The following CSMD1 variants were observed in gnomAD, a reference collection of about 807,000 sequenced individuals.
The protein encoded by CSMD1 is CUB and Sushi multiple domains 1.
In CSMD1, 213 loss-of-function variants were observed where a neutral mutation model predicts 417.5. That is an observed-to-expected ratio of 0.51 (90% CI 0.46 to 0.57). The LOEUF is 0.57. Ranked by LOEUF, CSMD1 falls within the 20% of genes least tolerant of loss-of-function variation. CSMD1 has a pLI of 0.00. For synonymous variants in CSMD1, 2,862 were observed against 1,736.8 expected (o/e 1.65, Z -16.11); for missense variants, 6,923 against 4,529.7 (o/e 1.53, Z -15.17).
At chr8:3,022,724 G>A (rs1175845870) in intron 51 of CSMD1, among the ~76,000 whole-genome samples, 1 of 149,220 alleles carries the variant, frequency 6.7e-6, no homozygotes, top group African/African-American at 2.5e-5. Flanking sequence ...CCTCCATGAA[G>A]AATAAACAGC....
intron 5 of CSMD1, among the ~76,000 whole-genome samples, chr8:3,850,236 T>G (rs1347900477): frequency 6.6e-6 from 1 of 152,226 alleles, no homozygotes; most frequent in Non-Finnish European, 1.5e-5. Context: ...AACAAAAGAA[T>G]AAAAAACCAA....
chr8:3,262,647 T>G (rs925837908), intron 26 of CSMD1, among the ~76,000 whole-genome samples: 1 of 152,102 alleles, frequency 6.6e-6, no homozygotes, highest in South Asian at 2.1e-4. Context: ...AGTAGAGGTA[T>G]AGACAGAATA....
intron 50 of CSMD1, among the ~76,000 whole-genome samples, chr8:3,030,121 G>A (rs1324993485): frequency 6.6e-6 from 1 of 152,002 alleles, no homozygotes. Flanking sequence ...GAATATAGCA[G>A]TTACTTAAGA....
intron 1 of CSMD1, among the ~76,000 whole-genome samples, chr8:4,858,383 C>T (rs1485827345): frequency 1.3e-5 from 2 of 151,458 alleles, no homozygotes; most frequent in Admixed American, 6.6e-5. Context: ...CTCACCACTC[C>T]TATTCAACGT....
In CSMD1 at chr8:3,385,283, G is replaced by T. The variant is rs531180415; in HGVS notation, c.2782+2211C>A. On this transcript the variant is annotated intron_variant, in intron 18 of 69. Transcript: ENST00000635120. The stretch of plus-strand genomic sequence containing the variant: ...TGTGTATGTATGAATATATATGTAT[G>T]TATGTATATAGGCCTTTACATTTCT... Among the ~76,000 whole-genome samples the T allele has an allele frequency of 1.4e-3, 214 of 149,656 alleles. 1 individual carries two copies. Among genetic ancestry groups the T allele is most frequent in the South Asian group, 2.7e-3 (13 of 4,780 alleles).
intron 8 of CSMD1, among the ~76,000 whole-genome samples, chr8:3,591,715 TAGAG>T (rs1018806903): frequency 6.6e-6 from 1 of 151,976 alleles, no homozygotes; most frequent in Non-Finnish European, 1.5e-5. Context: ...AGATAGATGA[TAGAG>T]AGATTAGATG....
intron 3 of CSMD1, among the ~76,000 whole-genome samples, chr8:4,084,241 C>G (rs1800300950): frequency 6.6e-6 from 1 of 150,728 alleles, no homozygotes; most frequent in Admixed American, 6.6e-5. Context: ...TAATCCCTTA[C>G]TACAAAATAA....
intron 26 of CSMD1, among the ~76,000 whole-genome samples, chr8:3,246,112 A>C (rs1456063987): frequency 1.3e-5 from 2 of 152,114 alleles, no homozygotes; most frequent in Non-Finnish European, 2.9e-5. Context: ...CTAAGAAGGC[A>C]CATCGGTTCA....
intron 7 of CSMD1, among the ~76,000 whole-genome samples, chr8:3,693,946 G>C (rs1303697691): frequency 3.3e-5 from 5 of 151,026 alleles, no homozygotes; most frequent in Non-Finnish European, 5.9e-5. Context: ...TGCGTCGTGT[G>C]TTGGATATAG....
At chr8:3,688,249 A>T (rs1485681934) in intron 7 of CSMD1, among the ~76,000 whole-genome samples, 1 of 152,210 alleles carries the variant, frequency 6.6e-6, no homozygotes, top group East Asian at 1.9e-4. Context: ...TTTTATTCAA[A>T]ATTACAAATA....
chr8:4,129,083 A>C (rs1186415385), intron 3 of CSMD1, among the ~76,000 whole-genome samples: 2 of 151,214 alleles, frequency 1.3e-5, no homozygotes, highest in South Asian at 2.1e-4. Flanking sequence ...TCAAAAAAAA[A>C]AAAAAAAAAC....
chr8:3,875,586 A>C (rs2129116550), intron 5 of CSMD1, among the ~76,000 whole-genome samples: 1 of 152,250 alleles, frequency 6.6e-6, no homozygotes, highest in African/African-American at 2.4e-5. Flanking sequence ...ATTGGAGAGG[A>C]GTCCCATTGT....
chr8:4,271,279 G>C (rs1399720805), intron 3 of CSMD1, among the ~76,000 whole-genome samples: 1 of 152,120 alleles, frequency 6.6e-6, no homozygotes, highest in Non-Finnish European at 1.5e-5. Flanking sequence ...AGGGGTTGGT[G>C]CCCTAACAGC....
At chr8:4,287,198 C>G (rs759525778) in intron 3 of CSMD1, among the ~76,000 whole-genome samples, 10 of 152,184 alleles carry the variant, frequency 6.6e-5, no homozygotes, top group African/African-American at 2.2e-4. Context: ...TAATTTTACT[C>G]ACATAGCTAA....
intron 3 of CSMD1, among the ~76,000 whole-genome samples, chr8:4,058,644 A>C (rs1208665388): frequency 6.7e-6 from 1 of 149,508 alleles, no homozygotes; most frequent in Non-Finnish European, 1.5e-5. Flanking sequence ...TTGCAATCCT[A>C]GTCTCTGATA....
intron 1 of CSMD1, among the ~76,000 whole-genome samples, chr8:4,764,787 G>A (rs1414121843): frequency 1.1e-4 from 16 of 148,938 alleles, no homozygotes; most frequent in East Asian, 4.0e-4. Context: ...GCAGGAGAAT[G>A]GTGTGAACCC....
chr8:4,295,648 A>G (rs1168167697), intron 3 of CSMD1, among the ~76,000 whole-genome samples: 3 of 145,360 alleles, frequency 2.1e-5, no homozygotes, highest in Admixed American at 7.0e-5. Context: ...CATAATATAT[A>G]AAAATATAAT....
intron 7 of CSMD1, among the ~76,000 whole-genome samples, chr8:3,664,302 C>T (rs1015813577): frequency 7.9e-5 from 12 of 152,092 alleles, no homozygotes; most frequent in African/African-American, 2.7e-4. Flanking sequence ...TCTGTCCTTG[C>T]AACTGTTTGC....
chr8:3,853,880 A>T (rs978187597), intron 5 of CSMD1, among the ~76,000 whole-genome samples: 1 of 147,074 alleles, frequency 6.8e-6, no homozygotes, highest in Non-Finnish European at 1.5e-5. Flanking sequence ...ACTTTAATAT[A>T]TTAATATATT....
Sources: gnomAD v4.1 joint callset for allele counts (sites outside exome capture counted in the v4.1 genomes callset) on GRCh38, gnomAD v4.1.1 for gene constraint, MANE v1.5 for transcripts, NCBI Gene and HGNC (gene_info 2026-07-23, HGNC 2026-07-21) for gene names.